VPS13B: variants seen among roughly 807,000 people sequenced by gnomAD.
VPS13B encodes intermembrane lipid transfer protein VPS13B.
Under a neutral mutation model 426.4 loss-of-function variants are expected in VPS13B, and 285 were observed. The ratio of observed to expected loss-of-function variants is 0.67; its 90% CI spans 0.61 to 0.74. The LOEUF (loss-of-function observed/expected upper bound fraction) is 0.74, where lower values mean the gene tolerates loss of function less well. Among genes scored for constraint, VPS13B ranks in the 30% least tolerant of loss-of-function variants. The pLI, the probability that VPS13B is intolerant of heterozygous loss-of-function variation, is 0.00. For synonymous variants in VPS13B, 1,676 were observed against 1,676.4 expected, an observed-to-expected ratio of 1.00 and a Z score of 0.01; for missense variants, 4,537 against 4,782.6, an observed-to-expected ratio of 0.95 and a Z score of 1.51.
At chr8:99,284,734 G>GTGTATGTA (rs112069581) in intron 19 of VPS13B, among the ~76,000 whole-genome samples, 1 of 150,844 alleles carries the variant, frequency 6.6e-6, no homozygotes, top group Non-Finnish European at 1.5e-5. Context: ...GTGTGTGTGT[G>GTGTATGTA]TGTTTTTGTA....
chr8:99,351,098 A>G (rs1041376859), intron 19 of VPS13B, among the ~76,000 whole-genome samples: 72 of 152,286 alleles, frequency 4.7e-4, no homozygotes, highest in African/African-American at 1.7e-3. Flanking sequence ...TTTATAATTT[A>G]TTTTATTGGA....
intron 3 of VPS13B, among the ~76,000 whole-genome samples, chr8:99,073,540 G>T (rs1172570206): frequency 6.6e-6 from 1 of 151,994 alleles, no homozygotes; most frequent in Non-Finnish European, 1.5e-5. Flanking sequence ...TTTTTGGTGT[G>T]TGGAGATACT....
At chr8:99,364,218 A>G (rs1462503239) in intron 19 of VPS13B, among the ~76,000 whole-genome samples, 6 of 152,206 alleles carry the variant, frequency 3.9e-5, no homozygotes, top group East Asian at 1.9e-4. Context: ...AGTTGAAATG[A>G]TCATATGGTT....
intron 17 of VPS13B, among the ~76,000 whole-genome samples, chr8:99,202,796 G>A (rs1026788239): frequency 1.3e-5 from 2 of 152,138 alleles, no homozygotes; most frequent in Non-Finnish European, 2.9e-5. Flanking sequence ...TTGGGAGGCT[G>A]AGGCAGGTGG....
chr8:99,479,687 T>C (rs1819934718), intron 24 of VPS13B, among the ~76,000 whole-genome samples: 1 of 152,350 alleles, frequency 6.6e-6, no homozygotes, highest in Non-Finnish European at 1.5e-5. Flanking sequence ...TCTTTCATTC[T>C]GCATAATTAT....
chr8:99,069,534 G>A (rs976020637), intron 3 of VPS13B, among the ~76,000 whole-genome samples: 2 of 152,178 alleles, frequency 1.3e-5, no homozygotes, highest in African/African-American at 4.8e-5. Flanking sequence ...ATTAGGGTGT[G>A]TGTATATATA....
intron 22 of VPS13B, 123 bp downstream of exon 22, chr8:99,431,787 A>G: frequency 9.6e-7 from 1 of 1,041,294 alleles, no homozygotes; most frequent in East Asian, 2.7e-5. Flanking sequence ...TCATTTTCTT[A>G]ATTTAGTTGA....
chr8:99,360,153 T>C (rs1364288653), intron 19 of VPS13B, among the ~76,000 whole-genome samples: 5 of 35,408 alleles, frequency 1.4e-4, no homozygotes, highest in Non-Finnish European at 2.6e-4. Context: ...TTTCTTTCTT[T>C]CTTTCTTTCT....
chr8:99,350,932 T>G (rs1020428530), intron 19 of VPS13B, among the ~76,000 whole-genome samples: 115 of 152,086 alleles, frequency 7.6e-4, no homozygotes, highest in African/African-American at 2.4e-3. Context: ...GAAATTAATT[T>G]TAGTTATTTA....
intron 33 of VPS13B, among the ~76,000 whole-genome samples, chr8:99,600,813 C>T (rs902624992): frequency 5.9e-5 from 9 of 152,112 alleles, no homozygotes; most frequent in African/African-American, 1.9e-4. Context: ...TACATGTTTG[C>T]TTGTAGGCAT....
At chr8:99,268,357 C>T (rs1266782424) in intron 17 of VPS13B, among the ~76,000 whole-genome samples, 1 of 152,142 alleles carries the variant, frequency 6.6e-6, no homozygotes, top group African/African-American at 2.4e-5. Flanking sequence ...ACCATGTGGC[C>T]GGAGAAGCTG....
intron 17 of VPS13B, among the ~76,000 whole-genome samples, chr8:99,235,545 G>A (rs1384064465): frequency 6.6e-6 from 1 of 152,042 alleles, no homozygotes; most frequent in African/African-American, 2.4e-5. Flanking sequence ...ATTTTTAACA[G>A]CAAAATCCTG....
At position 99,875,929 on chromosome 8, in the gene VPS13B, T is replaced by TTA. The variant is rs542743906; in HGVS notation, c.*264_*265dup. The TTA allele has an allele frequency of 3.1e-3, 1,586 of 507,038 alleles. 11 individuals carry two copies. Among genetic ancestry groups the TTA allele is most frequent in the South Asian group, 0.013 (611 of 46,416 alleles). 31.4% of individuals were successfully genotyped at this position (507,038 alleles called of 1,614,324 possible). On this transcript the variant is annotated 3_prime_UTR_variant, in exon 62 of 62. Transcript: ENST00000357162. Reference sequence around the variant, plus strand: ...GACACAAGGCCAACAGTTTCCTTATTTACATCCTTACCTCTAAAAGATACT... The same window carrying TTA: ...GACACAAGGCCAACAGTTTCCTTATTTATACATCCTTACCTCTAAAAGATACT...
intron 7 of VPS13B, among the ~76,000 whole-genome samples, chr8:99,118,062 A>G (rs559128337): frequency 3.2e-4 from 48 of 152,324 alleles, no homozygotes; most frequent in Non-Finnish European, 5.4e-4. Flanking sequence ...TAGACAATGC[A>G]TTGCTGAGAC....
At chr8:99,518,049 T>C (rs992495501) in intron 29 of VPS13B, among the ~76,000 whole-genome samples, 1 of 152,120 alleles carries the variant, frequency 6.6e-6, no homozygotes, top group African/African-American at 2.4e-5. Context: ...AACTTCATAG[T>C]CAGTATAATC....
chr8:99,196,790 T>G (rs1813961247), intron 17 of VPS13B, among the ~76,000 whole-genome samples: 1 of 152,156 alleles, frequency 6.6e-6, no homozygotes, highest in South Asian at 2.1e-4. Flanking sequence ...CAATTTAACT[T>G]CTTTTTTTTC....
intron 17 of VPS13B, among the ~76,000 whole-genome samples, chr8:99,243,250 T>A (rs1446804642): frequency 6.6e-6 from 1 of 152,198 alleles, no homozygotes; most frequent in East Asian, 1.9e-4. Context: ...ATGGTATAGC[T>A]GAATGAACTC....
chr8:99,739,638 A>G (rs1406502447), intron 39 of VPS13B, among the ~76,000 whole-genome samples: 1 of 152,206 alleles, frequency 6.6e-6, no homozygotes, highest in African/African-American at 2.4e-5. Flanking sequence ...CAGAGGAAAG[A>G]TCACGCAGCA....
chr8:99,543,154 G>A (rs4735616), intron 30 of VPS13B, among the ~76,000 whole-genome samples: 4,744 of 151,982 alleles, frequency 0.031, 99 homozygotes, highest in East Asian at 0.06. Flanking sequence ...CAGAAATAAC[G>A]CCGCAGATCT....
Sources: gnomAD v4.1 joint callset for allele counts (sites outside exome capture counted in the v4.1 genomes callset) on GRCh38, gnomAD v4.1.1 for gene constraint, MANE v1.5 for transcripts, NCBI Gene and HGNC (gene_info 2026-07-23, HGNC 2026-07-21) for gene names.